Variants in DIPK1A observed in about 807,000 individuals in gnomAD.
DIPK1A encodes family with sequence similarity 69 member A.
A neutral mutation model predicts 40.8 loss-of-function variants in DIPK1A; 27 were observed. The observed-to-expected ratio is 0.66, with a 90% CI of 0.49 to 0.91. The LOEUF (loss-of-function observed/expected upper bound fraction) is 0.91. Among genes scored for constraint, DIPK1A ranks in the 40% least tolerant of loss-of-function variants. The pLI is 0.00. For synonymous variants in DIPK1A, 166 were observed against 171.3 expected (o/e 0.97, Z 0.24); for missense variants, 412 against 505.7 (o/e 0.81, Z 1.78).
At chr1:92,923,534 A>G (rs1411008379) in intron 1 of DIPK1A, among the ~76,000 whole-genome samples, 1 of 152,222 alleles carries the variant, frequency 6.6e-6, no homozygotes, top group Non-Finnish European at 1.5e-5. Context: ...CATTTCTATA[A>G]TAAATAATTT....
At chr1:92,915,510 T>C (rs572093328) in intron 1 of DIPK1A, among the ~76,000 whole-genome samples, 1 of 152,320 alleles carries the variant, frequency 6.6e-6, no homozygotes, top group African/African-American at 2.4e-5. Context: ...ATACAGTTAA[T>C]GTATCTCAGG....
At chr1:92,904,523 T>A (rs1039936733) in intron 1 of DIPK1A, among the ~76,000 whole-genome samples, 7 of 152,282 alleles carry the variant, frequency 4.6e-5, no homozygotes, top group East Asian at 3.9e-4. Context: ...CTTAATTTTT[T>A]AATTTTTGTC....
At chr1:92,936,526 G>A (rs370754327) in intron 1 of DIPK1A, among the ~76,000 whole-genome samples, 1 of 151,876 alleles carries the variant, frequency 6.6e-6, no homozygotes, top group East Asian at 1.9e-4. Flanking sequence ...GTACTCAGGA[G>A]GCTGAGGCAG....
chr1:92,941,079 T>C (rs1334395614), intron 1 of DIPK1A, among the ~76,000 whole-genome samples: 1 of 147,754 alleles, frequency 6.8e-6, no homozygotes, highest in Non-Finnish European at 1.5e-5. Flanking sequence ...TTTCATCTTT[T>C]TAACAGGGTC....
chr1:92,876,230 T>A, intron 2 of DIPK1A, 66 bp downstream of exon 2: 1 of 977,578 alleles, frequency 1.0e-6, no homozygotes, highest in Non-Finnish European at 1.4e-6. Context: ...CATTAGTAAG[T>A]ATGTAAGCAG....
intron 1 of DIPK1A, among the ~76,000 whole-genome samples, chr1:92,944,197 T>G (rs1203664897): frequency 1.3e-5 from 2 of 151,668 alleles, no homozygotes; most frequent in Non-Finnish European, 2.9e-5. Context: ...ATAAAAATAA[T>G]AGAGAAGCTA....
rs3221733 is a variant in DIPK1A, at chr1:92,870,075, T to TACACAC, written c.189+6215_189+6220dup. ...ATAAAAAACTTACATGAATTATATA[T>TACACAC]ACACACACACACACACACACACACA... On this transcript the variant is annotated intron_variant, in intron 2 of 4. Coordinates refer to ENST00000370310, the MANE Select transcript of DIPK1A (RefSeq NM_001006605.5). 1.2e-3 allele frequency among the ~76,000 whole-genome samples: 79 copies of TACACAC among 66,448 alleles called. 1 individual carries two copies. Among genetic ancestry groups the TACACAC allele is most frequent in the African/African-American group, 2.6e-3 (73 of 27,604 alleles). 43.6% of individuals were successfully genotyped at this position (66,448 alleles called of 152,430 possible). A position where few individuals can be genotyped will look rare whatever the true frequency, so the allele number is the denominator to read the frequency against.
At chr1:92,839,213 G>T (rs1308139990), downstream of DIPK1A, among the ~76,000 whole-genome samples, 1 of 152,016 alleles carries the variant, frequency 6.6e-6, no homozygotes, top group Non-Finnish European at 1.5e-5. Context: ...ACAAAAATTA[G>T]CTGGGCATGG....
chr1:92,921,952 A>T (rs369272900), intron 1 of DIPK1A, among the ~76,000 whole-genome samples: 97 of 151,346 alleles, frequency 6.4e-4, no homozygotes, highest in African/African-American at 1.3e-3. Flanking sequence ...TTATTTATTT[A>T]TTTTTTTTTC....
intron 1 of DIPK1A, among the ~76,000 whole-genome samples, chr1:92,956,738 C>A (rs753837177): frequency 6.6e-6 from 1 of 152,160 alleles, no homozygotes; most frequent in Non-Finnish European, 1.5e-5. Flanking sequence ...TGTACTAATA[C>A]GAGCCAAAGT....
At chr1:92,860,644 A>C (rs372969903) in intron 2 of DIPK1A, among the ~76,000 whole-genome samples, 238 of 7,920 alleles carry the variant, frequency 0.03, 13 homozygotes, top group Non-Finnish European at 0.059. Context: ...AAAAAAAAAA[A>C]AATGGTGGTG....
At chr1:92,835,121 A>G in intron 4 of DIPK1A, 2 of 677,520 alleles carry the variant, frequency 3.0e-6, no homozygotes, top group East Asian at 2.8e-5. Flanking sequence ...TTTGCTGTCC[A>G]GTGGTTTTGC....
chr1:92,914,779 A>AAG (rs1649982501), intron 1 of DIPK1A, among the ~76,000 whole-genome samples: 1 of 150,236 alleles, frequency 6.7e-6, no homozygotes, highest in Admixed American at 6.6e-5. Context: ...AAAAAGAAAA[A>AAG]AAAAAAAAGG....
chr1:92,892,503 G>C (rs966160749), intron 1 of DIPK1A, among the ~76,000 whole-genome samples: 1 of 152,128 alleles, frequency 6.6e-6, no homozygotes, highest in South Asian at 2.1e-4. Context: ...CCACCTGTAC[G>C]TCACCATCAT....
chr1:92,842,485 A>AC lies in DIPK1A; in HGVS notation c.*897dup, dbSNP rs1687410948. On this transcript the variant is annotated 3_prime_UTR_variant, in exon 5 of 5. Transcript: ENST00000370310. The stretch of plus-strand genomic sequence containing the variant: ...ATATCAAGTTTACATGGGGAAAAAA[A>AC]CATTAGATAAATAAATACATTTACA... The AC allele has an allele frequency of 2.0e-6, 2 of 979,776 alleles. No homozygotes were observed. Among genetic ancestry groups the AC allele is most frequent in the Non-Finnish European group, 2.4e-6 (2 of 824,822 alleles). The allele number at this position is 979,776 out of a possible 1,614,324, so 60.7% of individuals were successfully genotyped here.
intron 2 of DIPK1A, among the ~76,000 whole-genome samples, chr1:92,860,646 A>AAAAAAAAAAAAAAAGCCAGGTG (rs148916481): frequency 2.9e-5 from 3 of 105,210 alleles, no homozygotes; most frequent in African/African-American, 1.1e-4. Context: ...AAAAAAAAAA[A>AAAAAAAAAAAAAAAGCCAGGTG]TGGTGGTGTG....
chr1:92,862,027 G>A (rs530389233), intron 2 of DIPK1A, among the ~76,000 whole-genome samples: 4 of 152,120 alleles, frequency 2.6e-5, no homozygotes, highest in Admixed American at 6.5e-5. Flanking sequence ...TGAACCACCT[G>A]TCTGGCAACT....
At chr1:92,854,541 C>T (rs1040207721) in intron 2 of DIPK1A, among the ~76,000 whole-genome samples, 1 of 152,210 alleles carries the variant, frequency 6.6e-6, no homozygotes, top group African/African-American at 2.4e-5. Context: ...ATCAAGAGCC[C>T]TGCCCATGTG....
intron 4 of DIPK1A, chr1:92,846,690 GA>G: frequency 9.4e-6 from 3 of 318,442 alleles, no homozygotes; most frequent in Non-Finnish European, 1.8e-5. Flanking sequence ...GTGCAGTGGT[GA>G]GATCTTGGCT....
Sources: gnomAD v4.1 joint callset for allele counts (sites outside exome capture counted in the v4.1 genomes callset) on GRCh38, gnomAD v4.1.1 for gene constraint, MANE v1.5 for transcripts, NCBI Gene and HGNC (gene_info 2026-07-23, HGNC 2026-07-21) for gene names.